GALNT13: variants seen among roughly 807,000 people sequenced by gnomAD.
GALNT13 encodes the protein polypeptide N-acetylgalactosaminyltransferase 13.
In GALNT13, 28 loss-of-function variants were observed where a neutral mutation model predicts 64.2. That is an observed-to-expected ratio of 0.44 (90% CI 0.32 to 0.60). The LOEUF is 0.60. Among genes scored for constraint, GALNT13 ranks in the 20% least tolerant of loss-of-function variants. The pLI, the probability that GALNT13 is intolerant of heterozygous loss-of-function variation, is 0.05. For missense variants in GALNT13, 577 were observed against 669.8 expected (o/e 0.86, Z 1.53); for synonymous variants, 214 against 224.6 (o/e 0.95, Z 0.42).
At chr2:154,023,130 A>T (rs1207167703) in intron 3 of GALNT13, among the ~76,000 whole-genome samples, 1 of 152,048 alleles carries the variant, frequency 6.6e-6, no homozygotes, top group Admixed American at 6.6e-5. Context: ...CCAGTTTTGG[A>T]GTAGGTGTTG....
the GALNT13 span, among the ~76,000 whole-genome samples, chr2:153,667,916 A>G: frequency 6.6e-6 from 1 of 152,164 alleles, no homozygotes; most frequent in Non-Finnish European, 1.5e-5. Flanking sequence ...GGCCCAAAAT[A>G]AAGAGAGAAA....
the GALNT13 span, among the ~76,000 whole-genome samples, chr2:153,798,038 A>T: frequency 6.6e-6 from 1 of 152,190 alleles, no homozygotes; most frequent in Non-Finnish European, 1.5e-5. Context: ...AGACCTACTG[A>T]AGCAGAATCT....
At chr2:153,132,017 A>C in the GALNT13 span, among the ~76,000 whole-genome samples, 1 of 152,168 alleles carries the variant, frequency 6.6e-6, no homozygotes, top group African/African-American at 2.4e-5. Context: ...TCAATGATAC[A>C]GAGACTTCAT....
chr2:154,014,635 CTTT>C (rs60950180), intron 3 of GALNT13, among the ~76,000 whole-genome samples: 5 of 77,222 alleles, frequency 6.5e-5, no homozygotes, highest in Admixed American at 1.4e-4. Context: ...GATAATTCTC[CTTT>C]TTTTTTTTTT....
At chr2:154,283,682 TACAC>T (rs200698636) in intron 8 of GALNT13, among the ~76,000 whole-genome samples, 1 of 151,492 alleles carries the variant, frequency 6.6e-6, no homozygotes, top group East Asian at 1.9e-4. Flanking sequence ...ATATACAAAA[TACAC>T]ACACACATAC....
At chr2:154,075,790 A>C (rs1700957242) in intron 3 of GALNT13, among the ~76,000 whole-genome samples, 1 of 143,784 alleles carries the variant, frequency 7.0e-6, no homozygotes, top group African/African-American at 2.4e-5. Flanking sequence ...TTTTATCTCT[A>C]GTATCACTAA....
chr2:153,723,654 C>A, the GALNT13 span, among the ~76,000 whole-genome samples: 1 of 152,068 alleles, frequency 6.6e-6, no homozygotes, highest in Non-Finnish European at 1.5e-5. Context: ...TTCCTATACA[C>A]CAACAACAAA....
intron 4 of GALNT13, among the ~76,000 whole-genome samples, chr2:154,187,702 T>C (rs930731068): frequency 5.3e-5 from 8 of 151,960 alleles, no homozygotes; most frequent in Admixed American, 5.2e-4. Context: ...CCTAAACAAC[T>C]ACCTGAGAGC....
chr2:154,028,748 T>C (rs1698145806), intron 3 of GALNT13, among the ~76,000 whole-genome samples: 1 of 152,132 alleles, frequency 6.6e-6, no homozygotes, highest in Admixed American at 6.6e-5. Context: ...TAAGGACATA[T>C]ATGATACAAC....
intron 4 of GALNT13, among the ~76,000 whole-genome samples, chr2:154,161,791 T>G (rs1020800102): frequency 5.3e-5 from 8 of 151,992 alleles, no homozygotes; most frequent in Admixed American, 5.2e-4. Context: ...GTATTTTTTT[T>G]TTTTGTTTTC....
the GALNT13 span, among the ~76,000 whole-genome samples, chr2:153,620,299 T>C: frequency 6.6e-6 from 1 of 151,942 alleles, no homozygotes; most frequent in South Asian, 2.1e-4. Context: ...AGTTTTTCTA[T>C]TTTTAGTAGA....
chr2:153,416,695 T>C, the GALNT13 span, among the ~76,000 whole-genome samples: 2 of 152,190 alleles, frequency 1.3e-5, no homozygotes, highest in Admixed American at 1.3e-4. Context: ...ATTCTGCTGA[T>C]TGTATTAGTT....
chr2:154,206,839 A>G (rs1243887045), intron 4 of GALNT13, among the ~76,000 whole-genome samples: 4 of 151,982 alleles, frequency 2.6e-5, no homozygotes, highest in Non-Finnish European at 5.9e-5. Flanking sequence ...AGGTTAAGGA[A>G]TAAGTCTAAG....
rs148545008 is a variant in GALNT13 at position 154,299,229 on chromosome 2, A to G, written c.976-2180A>G. The stretch of plus-strand genomic sequence containing the variant: ...GCATAATCTAGTAATGAGAAACGTT[A>G]ATATTTCAGGAGAAAAGCAAGGGAA... On this transcript the variant is annotated intron_variant, in intron 8 of 12. Transcript: ENST00000392825. Among the ~76,000 whole-genome samples, 1,146 of 151,766 alleles carry G rather than the reference A, an allele frequency of 7.6e-3. 19 individuals carry two copies. The highest frequency in any genetic ancestry group is 0.025 in the African/African-American group (1,046 of 41,450).
chr2:153,375,483 T>A, the GALNT13 span, among the ~76,000 whole-genome samples: 4 of 152,316 alleles, frequency 2.6e-5, 1 homozygote, highest in African/African-American at 9.6e-5. Flanking sequence ...ACAGTTCCTG[T>A]TACCTCTGGT....
At position 154,059,183 on chromosome 2, in the gene GALNT13, C is replaced by T. The variant is rs139287912; in HGVS notation, c.143-81154C>T. ...CTGAATGAAGGAAAATATTTGTCTC[C>T]GTTCGCCTAACCTGCTGTTATTCAT... is the stretch of plus-strand genomic sequence containing the variant. On this transcript the variant is annotated intron_variant, in intron 3 of 12. Coordinates refer to ENST00000392825, the MANE Select transcript of GALNT13 (RefSeq NM_052917.4). Among the ~76,000 whole-genome samples, 9 of 152,258 alleles carry T rather than the reference C, an allele frequency of 5.9e-5. 1 individual carries two copies. The highest frequency in any genetic ancestry group is 4.1e-4 in the South Asian group (2 of 4,824).
chr2:153,156,545 T>C, the GALNT13 span, among the ~76,000 whole-genome samples: 1 of 152,172 alleles, frequency 6.6e-6, no homozygotes, highest in Non-Finnish European at 1.5e-5. Context: ...GTTTTCACTA[T>C]TCCCCTAACT....
intron 9 of GALNT13, among the ~76,000 whole-genome samples, chr2:154,384,579 C>G (rs557135221): frequency 6.6e-6 from 1 of 151,934 alleles, no homozygotes; most frequent in South Asian, 2.1e-4. Flanking sequence ...TTAGACATAA[C>G]TAATTCAAAA....
chr2:154,135,494 T>C (rs971477624), intron 3 of GALNT13, among the ~76,000 whole-genome samples: 62 of 152,216 alleles, frequency 4.1e-4, no homozygotes, highest in African/African-American at 1.4e-3. Context: ...AAAAGTTGTA[T>C]ATAGTTTATT....
Sources: gnomAD v4.1 joint callset for allele counts (sites outside exome capture counted in the v4.1 genomes callset) on GRCh38, gnomAD v4.1.1 for gene constraint, MANE v1.5 for transcripts, NCBI Gene and HGNC (gene_info 2026-07-23, HGNC 2026-07-21) for gene names.